The following TPH2 variants were observed in gnomAD, a reference collection of about 807,000 sequenced individuals.
TPH2 encodes tryptophan 5-hydroxylase 2.
TPH2 carries 27 observed loss-of-function variants against 59.1 expected under a neutral mutation model. The ratio of observed to expected loss-of-function variants is 0.46; its 90% CI spans 0.34 to 0.63. The LOEUF is 0.63. Among genes scored for constraint, TPH2 ranks in the 30% least tolerant of loss-of-function variants. TPH2 has a pLI of 0.01. For synonymous variants in TPH2, 220 were observed against 210.5 expected (o/e 1.05, Z -0.39); for missense variants, 523 against 588.3 (o/e 0.89, Z 1.15).
chr12:72,015,872 G>T lies in TPH2; in HGVS notation c.1069-6527G>T, dbSNP rs374504835. Among the ~76,000 whole-genome samples, 261 of 152,232 alleles carry T rather than the reference G, an allele frequency of 1.7e-3. 1 individual carries two copies. Among genetic ancestry groups the T allele is most frequent in the African/African-American group, 5.8e-3 (241 of 41,548 alleles). ...GGGGATGAAACCTAGAAAGAGATGG[G>T]GCAGTGTCAGTGGCTGGGGTCATGG... On this transcript the variant is annotated intron_variant, in intron 8 of 10. Coordinates refer to ENST00000333850, the MANE Select transcript of TPH2 (RefSeq NM_173353.4).
chr12:71,949,678 C>T (rs780419100), intron 5 of TPH2, 23 bp downstream of exon 5: 3 of 1,588,814 alleles, frequency 1.9e-6, no homozygotes, highest in South Asian at 1.1e-5. Context: ...ATAACTCTTT[C>T]TTGTCACTGG....
Position 71,972,681 on chromosome 12 carries a change from G to A in TPH2, c.771G>A (p.Val257=), listed in dbSNP as rs758535836. Residue 257 remains valine, a synonymous_variant, in exon 6 of 11, where the codon GTG becomes GTA. Coordinates refer to ENST00000333850, the MANE Select transcript of TPH2 (RefSeq NM_173353.4). ...ACTGTGGCTACAGAGAGGACAATGTGCCTCAACTCGAAGATGTCTCCATGT... is the reference window on the plus strand; with the variant it reads ...ACTGTGGCTACAGAGAGGACAATGTACCTCAACTCGAAGATGTCTCCATGT... ...TKYCGYREDN[V]PQLEDVSMFL... is the part of the protein sequence containing the mutation. The A allele has an allele frequency of 3.1e-6, 5 of 1,614,084 alleles. No homozygotes were observed. In the East Asian group the frequency reaches 6.7e-5, roughly 22 times the overall value.
intron 2 of TPH2, among the ~76,000 whole-genome samples, chr12:71,942,841 T>C (rs1871109707): frequency 6.6e-6 from 1 of 152,200 alleles, no homozygotes; most frequent in Admixed American, 6.5e-5. Context: ...TGAGGAAATA[T>C]TTTACAGACA....
At chr12:71,965,281 A>T (rs1871787760) in intron 5 of TPH2, 1 of 152,176 alleles carries the variant, frequency 6.6e-6, no homozygotes, top group South Asian at 2.1e-4. Flanking sequence ...AATGATTTAT[A>T]TTCCTCTGGG....
intron 5 of TPH2, among the ~76,000 whole-genome samples, chr12:71,971,699 C>A (rs73342886): frequency 6.6e-6 from 1 of 152,130 alleles, no homozygotes; most frequent in South Asian, 2.1e-4. Flanking sequence ...CAGTCCAGCA[C>A]GGTGTCTCAA....
chr12:71,991,712 T>C (rs1479368561), intron 7 of TPH2, among the ~76,000 whole-genome samples: 1 of 152,182 alleles, frequency 6.6e-6, no homozygotes, highest in Non-Finnish European at 1.5e-5. Context: ...ACTCCCGGCT[T>C]AGAACTACTG....
intron 7 of TPH2, among the ~76,000 whole-genome samples, chr12:71,992,565 C>T (rs759685268): frequency 2.6e-5 from 4 of 151,938 alleles, no homozygotes; most frequent in Non-Finnish European, 5.9e-5. Flanking sequence ...GATTGCACTA[C>T]TGCACTGTAG....
At chr12:71,995,217 G>A (rs1312884567) in intron 8 of TPH2, among the ~76,000 whole-genome samples, 1 of 152,006 alleles carries the variant, frequency 6.6e-6, no homozygotes, top group Non-Finnish European at 1.5e-5. Context: ...AGCAATATGA[G>A]AGAAAAGGTT....
intron 8 of TPH2, among the ~76,000 whole-genome samples, chr12:72,001,508 C>T (rs544780543): frequency 1.3e-5 from 2 of 151,816 alleles, no homozygotes. Flanking sequence ...TCACTGTAAC[C>T]TCCGCCTCCC....
intron 6 of TPH2, among the ~76,000 whole-genome samples, chr12:71,973,649 A>G (rs1872036968): frequency 6.6e-6 from 1 of 152,182 alleles, no homozygotes; most frequent in Non-Finnish European, 1.5e-5. Context: ...TAGAGTAATC[A>G]TTCTTTTATT....
intron 7 of TPH2, among the ~76,000 whole-genome samples, chr12:71,986,139 G>A (rs573256202): frequency 1.3e-5 from 2 of 152,164 alleles, no homozygotes; most frequent in Admixed American, 6.5e-5. Flanking sequence ...AGAAATGTAG[G>A]CCCCTCTCTC....
chr12:72,031,432 T>G (rs751860637), intron 10 of TPH2, 41 bp downstream of exon 10: 2 of 1,613,174 alleles, frequency 1.2e-6, no homozygotes, highest in Non-Finnish European at 1.7e-6. Flanking sequence ...AATAACTTTT[T>G]ATTTTTCTGT....
chr12:71,996,015 C>T (rs1242104992), intron 8 of TPH2, among the ~76,000 whole-genome samples: 1 of 152,170 alleles, frequency 6.6e-6, no homozygotes, highest in East Asian at 1.9e-4. Context: ...CAACAAACAT[C>T]TATTATATCA....
intron 8 of TPH2, among the ~76,000 whole-genome samples, chr12:72,021,872 C>T (rs969477590): frequency 1.3e-5 from 2 of 152,102 alleles, no homozygotes; most frequent in African/African-American, 2.4e-5. Flanking sequence ...TATAGAGGTA[C>T]TTGCTTTCTT....
At chr12:71,959,166 T>A (rs1414114597) in intron 5 of TPH2, among the ~76,000 whole-genome samples, 3 of 152,090 alleles carry the variant, frequency 2.0e-5, no homozygotes, top group Non-Finnish European at 4.4e-5. Context: ...GCAGTGCATT[T>A]TAAGATATTT....
intron 8 of TPH2, among the ~76,000 whole-genome samples, chr12:72,012,019 T>C (rs2139236115): frequency 6.6e-6 from 1 of 152,342 alleles, no homozygotes; most frequent in Non-Finnish European, 1.5e-5. Flanking sequence ...TAGTAATGAC[T>C]CACTCAGAAG....
chr12:71,954,203 G>T lies in TPH2; in HGVS notation c.608+4548G>T, dbSNP rs11830353. Among the ~76,000 whole-genome samples the T allele has an allele frequency of 3.3e-5, 5 of 152,194 alleles. 1 individual carries two copies. The highest frequency in any genetic ancestry group is 3.3e-4 in the Admixed American group (5 of 15,296). On this transcript the variant is annotated intron_variant, in intron 5 of 10. Coordinates refer to ENST00000333850, the MANE Select transcript of TPH2 (RefSeq NM_173353.4). ...GGAAAGCGCCGGCATGCTAACTGTC[G>T]ATAGATGCCACTCAGGCGAGCTTCT...
At chr12:72,013,881 A>G (rs1228050807) in intron 8 of TPH2, among the ~76,000 whole-genome samples, 1 of 151,946 alleles carries the variant, frequency 6.6e-6, no homozygotes, top group Non-Finnish European at 1.5e-5. Flanking sequence ...TTTACACTCT[A>G]GCTGGGGTAG....
intron 1 of TPH2, among the ~76,000 whole-genome samples, chr12:71,940,167 G>C (rs1295222019): frequency 6.6e-6 from 1 of 152,154 alleles, no homozygotes; most frequent in African/African-American, 2.4e-5. Flanking sequence ...GGAAAACAAA[G>C]TAAGCTCAGG....
Sources: allele counts gnomAD v4.1 joint callset (sites outside exome capture counted in the v4.1 genomes callset), GRCh38; gene constraint gnomAD v4.1.1; transcripts MANE v1.5; gene names NCBI Gene and HGNC (gene_info 2026-07-23, HGNC 2026-07-21).